Variants in BMPR2 observed in about 807,000 individuals in gnomAD.
BMPR2 encodes bone morphogenetic protein receptor type 2, also known as bone morphogenetic protein receptor type-2.
Under a neutral mutation model 100.8 loss-of-function variants are expected in BMPR2, and 29 were observed. That is an observed-to-expected ratio of 0.29 (90% CI 0.21 to 0.39). The LOEUF (loss-of-function observed/expected upper bound fraction) is 0.39. Among genes scored for constraint, BMPR2 ranks in the 10% least tolerant of loss-of-function variants. The probability of loss-of-function intolerance (pLI) is 1.00; values close to 1 mark genes in which losing one functional copy is unlikely to be tolerated. For missense variants in BMPR2, 1,011 were observed against 1,274.5 expected, an observed-to-expected ratio of 0.79 and a Z score of 3.15; for synonymous variants, 382 against 442.3, an observed-to-expected ratio of 0.86 and a Z score of 1.71.
intron 1 of BMPR2, among the ~76,000 whole-genome samples, chr2:202,396,200 A>C (rs1229440217): frequency 6.6e-6 from 1 of 152,158 alleles, no homozygotes; most frequent in Non-Finnish European, 1.5e-5. Flanking sequence ...CCCTACAGCC[A>C]CTCAGTTTTA....
chr2:202,529,014 T>C (rs1010289206), intron 7 of BMPR2, among the ~76,000 whole-genome samples: 3 of 152,240 alleles, frequency 2.0e-5, no homozygotes, highest in Non-Finnish European at 4.4e-5. Context: ...ACCTATTTAT[T>C]TATTTGTAAT....
intron 1 of BMPR2, among the ~76,000 whole-genome samples, chr2:202,451,037 A>G (rs1344626835): frequency 6.6e-6 from 1 of 152,194 alleles, no homozygotes. Context: ...GCATGCCCAG[A>G]ATTAGTCCCT....
chr2:202,471,008 G>A (rs1192352802), intron 3 of BMPR2, among the ~76,000 whole-genome samples: 1 of 152,168 alleles, frequency 6.6e-6, no homozygotes, highest in East Asian at 1.9e-4. Flanking sequence ...GCATTGAGCT[G>A]TGATCAGGCC....
chr2:202,487,230 T>C (rs1455707004), intron 3 of BMPR2, among the ~76,000 whole-genome samples: 1 of 152,198 alleles, frequency 6.6e-6, no homozygotes, highest in African/African-American at 2.4e-5. Context: ...GGTTTTTTTT[T>C]CTAACACTGA....
chr2:202,421,736 TA>T (rs201785849), intron 1 of BMPR2, among the ~76,000 whole-genome samples: 31,268 of 141,554 alleles, frequency 0.22, 3,436 homozygotes, highest in African/African-American at 0.25. Flanking sequence ...CTCTGCCCAT[TA>T]AAAAAAAAAA....
intron 10 of BMPR2, among the ~76,000 whole-genome samples, chr2:202,547,189 A>G (rs972506482): frequency 3.9e-5 from 6 of 152,116 alleles, no homozygotes; most frequent in Non-Finnish European, 7.4e-5. Flanking sequence ...TTTCAGGTAT[A>G]ATTTGTTTAA....
rs1434813770 is a variant in BMPR2, at chr2:202,565,717, T to C, written c.*5771T>C. On this transcript the variant is annotated 3_prime_UTR_variant, in exon 13 of 13. Transcript: ENST00000374580. Reference sequence around the variant, plus strand: ...TTAACTTTCAAAAGCAAACCCTACATTAATCAGGTATTATCTATGGACATT... The same window carrying C: ...TTAACTTTCAAAAGCAAACCCTACACTAATCAGGTATTATCTATGGACATT... 6.6e-6 allele frequency: 1 copy of C among 152,504 alleles called. No individual in the cohort carries two copies. Among genetic ancestry groups the C allele is most frequent in the Non-Finnish European group, 1.5e-5 (1 of 68,000 alleles). The allele number at this position is 152,504 out of a possible 1,614,324, so 9.4% of individuals were successfully genotyped here. A position where few individuals can be genotyped will look rare whatever the true frequency, so the allele number is the denominator to read the frequency against.
chr2:202,428,215 G>A (rs1051526627), intron 1 of BMPR2, among the ~76,000 whole-genome samples: 2 of 151,790 alleles, frequency 1.3e-5, no homozygotes, highest in Middle Eastern at 6.8e-3. Flanking sequence ...TTCTTAGCAC[G>A]TGCACACACA....
rs375624016 is a variant in BMPR2, at chr2:202,376,511, AGGCGGC to A, written c.-933_-928del. Among the ~76,000 whole-genome samples the A allele has an allele frequency of 1.6e-3, 205 of 125,858 alleles. 1 individual carries two copies. Among genetic ancestry groups the A allele is most frequent in the Middle Eastern group, 0.015 (4 of 260 alleles). The allele number at this position is 125,858 out of a possible 152,430, so 82.6% of individuals were successfully genotyped here. ...AGGAGCCCAGAGCTGCGGGAGAACG[AGGCGGC>A]GGCGGCGGCGGCGGCGGCGGCGGCG... On this transcript the variant is annotated 5_prime_UTR_variant, in exon 1 of 13. Coordinates refer to ENST00000374580, the MANE Select transcript of BMPR2 (RefSeq NM_001204.7).
chr2:202,376,545 G>GGCGGCGGCGGCA lies in BMPR2; in HGVS notation c.-928_-927insGGCGGCGGCAGC, dbSNP rs1553584009. ...CGGCGGCGGCGGCGGCGGCGGCGGCGGCAGCAGCAGCGGCTTCCTCGGGGG... is the reference window on the plus strand; with the variant it reads ...CGGCGGCGGCGGCGGCGGCGGCGGCGGCGGCGGCGGCAGCAGCAGCAGCGGCTTCCTCGGGGG... On this transcript the variant is annotated 5_prime_UTR_variant, in exon 1 of 13. Transcript: ENST00000374580. Among the ~76,000 whole-genome samples, 21 of 140,578 alleles carry GGCGGCGGCGGCA rather than the reference G, an allele frequency of 1.5e-4. No homozygotes were observed. In the South Asian group the frequency reaches 1.7e-3, roughly 11 times the overall value. The allele number at this position is 140,578 out of a possible 152,430, so 92.2% of individuals were successfully genotyped here. A position where few individuals can be genotyped will look rare whatever the true frequency, so the allele number is the denominator to read the frequency against.
In BMPR2 at chr2:202,559,714, A is replaced by T. The variant is rs1688647745; in HGVS notation, c.2885A>T (p.Asp962Val). 1.2e-6 allele frequency: 2 copies of T among 1,614,052 alleles called. No homozygotes were observed. The change falls in exon 13 of 13, where the codon GAT becomes GTT. Residue 962 changes from aspartate (D) to valine (V), a missense_variant. By Grantham distance (152) the Asp-to-Val change is radical. Coordinates refer to ENST00000374580, the MANE Select transcript of BMPR2 (RefSeq NM_001204.7). ...TTTTCAGTAGGTGAGTCAACACAAG[A>T]TGGCAAATCAGGATCAGGTGAAAAG... ...SSIQIGESTQ[D>V]GKSGSGEKIK... is the part of the protein sequence containing the mutation.
At chr2:202,422,779 C>T (rs1310733447) in intron 1 of BMPR2, among the ~76,000 whole-genome samples, 1 of 151,994 alleles carries the variant, frequency 6.6e-6, no homozygotes, top group East Asian at 1.9e-4. Flanking sequence ...TGGGTTCAAG[C>T]GATTCTCCTG....
Position 202,530,655 on chromosome 2 carries a change from TG to T in BMPR2, c.968-138del, listed in dbSNP as rs534567077. The T allele has an allele frequency of 5.9e-4, 418 of 712,552 alleles. 1 individual carries two copies. Among genetic ancestry groups the T allele is most frequent in the Non-Finnish European group, 8.2e-4 (363 of 441,844 alleles). 44.1% of individuals were successfully genotyped at this position (712,552 alleles called of 1,614,324 possible). On this transcript the variant is annotated intron_variant, in intron 7 of 12. Coordinates refer to ENST00000374580, the MANE Select transcript of BMPR2 (RefSeq NM_001204.7). ...TTAGAAAATAGTGATGAGTGTGAGT[TG>T]AAATTCCGATTTCTCTTTTTTTGTT...
intron 3 of BMPR2, among the ~76,000 whole-genome samples, chr2:202,512,219 C>T (rs765822091): frequency 1.9e-4 from 29 of 152,152 alleles, no homozygotes; most frequent in Non-Finnish European, 2.9e-4. Context: ...GCCGTAGAGG[C>T]ATCCTACTTT....
At chr2:202,536,211 T>G (rs1043850150) in intron 9 of BMPR2, among the ~76,000 whole-genome samples, 1 of 151,996 alleles carries the variant, frequency 6.6e-6, no homozygotes, top group African/African-American at 2.4e-5. Flanking sequence ...CTCCCCAGGC[T>G]CAGGTGATTC....
At chr2:202,544,218 T>G (rs1688333156) in intron 10 of BMPR2, among the ~76,000 whole-genome samples, 1 of 152,214 alleles carries the variant, frequency 6.6e-6, no homozygotes, top group Non-Finnish European at 1.5e-5. Flanking sequence ...TTCTTTGTCT[T>G]GTTTTTAGGC....
intron 1 of BMPR2, among the ~76,000 whole-genome samples, chr2:202,395,180 C>G (rs1006630217): frequency 6.6e-6 from 1 of 152,204 alleles, no homozygotes; most frequent in South Asian, 2.1e-4. Context: ...CCACGCCTGG[C>G]AAGTCTTTAC....
chr2:202,489,883 T>C (rs1692865598), intron 3 of BMPR2, among the ~76,000 whole-genome samples: 1 of 152,310 alleles, frequency 6.6e-6, no homozygotes, highest in Non-Finnish European at 1.5e-5. Flanking sequence ...CTGATAATAC[T>C]TCATCAGCAA....
intron 10 of BMPR2, among the ~76,000 whole-genome samples, chr2:202,549,076 T>A (rs1688426241): frequency 6.6e-6 from 1 of 152,192 alleles, no homozygotes. Flanking sequence ...ACCACTGATC[T>A]GCTTTCTGTC....
Sources: gnomAD v4.1 joint callset for allele counts (sites outside exome capture counted in the v4.1 genomes callset) on GRCh38, gnomAD v4.1.1 for gene constraint, MANE v1.5 for transcripts, NCBI Gene and HGNC (gene_info 2026-07-23, HGNC 2026-07-21) for gene names.